The following NIPA2 variants were observed in gnomAD, a reference collection of about 807,000 sequenced individuals.
NIPA2 encodes the protein magnesium transporter NIPA2.
Under a neutral mutation model 29.7 loss-of-function variants are expected in NIPA2, and 11 were observed. The observed-to-expected ratio is 0.37, with a 90% confidence interval of 0.23 to 0.61. NIPA2 has a LOEUF of 0.61. NIPA2 is among the 20% of genes least tolerant of loss of function. The pLI is 0.66. For missense variants in NIPA2, 426 were observed against 437.9 expected, an observed-to-expected ratio of 0.97 and a Z score of 0.24; for synonymous variants, 183 against 161.9, an observed-to-expected ratio of 1.13 and a Z score of -0.99.
intron 2 of NIPA2, among the ~76,000 whole-genome samples, chr15:22,843,243 G>A (rs1002077084): frequency 6.6e-6 from 1 of 152,036 alleles, no homozygotes; most frequent in Non-Finnish European, 1.5e-5. Context: ...GGTGGCTCAC[G>A]CCTGTAATCC....
At position 22,851,539 on chromosome 15, in the gene NIPA2, A is replaced by AT. The variant is rs2057741761; in HGVS notation, c.-93-94dup. 4 of 376,022 alleles carry AT rather than the reference A, an allele frequency of 1.1e-5. No homozygotes were observed. The East Asian group carries it at 1.6e-4, about 15-fold the overall frequency. 23.3% of individuals were successfully genotyped at this position (376,022 alleles called of 1,614,324 possible). A position where few individuals can be genotyped will look rare whatever the true frequency, so the allele number is the denominator to read the frequency against. ...TATCAATATTAGTAATGAAGGAGCT[A>AT]TTTTTTCTTTAGGGGAAGAGAAATG... On this transcript the variant is annotated intron_variant, in intron 3 of 7. Transcript: ENST00000337451.
At chr15:22,865,582 C>T (rs1330388634) in intron 7 of NIPA2, among the ~76,000 whole-genome samples, 1 of 151,992 alleles carries the variant, frequency 6.6e-6, no homozygotes, top group Non-Finnish European at 1.5e-5. Flanking sequence ...TTTCCTCATC[C>T]GAAAATGCAG....
intron 5 of NIPA2, among the ~76,000 whole-genome samples, 157 bp from the exon 6 acceptor site, chr15:22,858,383 G>T (rs2058359968): frequency 1.3e-5 from 2 of 152,222 alleles, no homozygotes; most frequent in South Asian, 4.1e-4. Flanking sequence ...GACAGAGTGA[G>T]ACTCCGTCTC....
chr15:22,844,637 C>T (rs1898112504), intron 2 of NIPA2, among the ~76,000 whole-genome samples: 1 of 152,008 alleles, frequency 6.6e-6, no homozygotes, highest in African/African-American at 2.4e-5. Context: ...CGCCTGTGGT[C>T]CTGTTGATTT....
At position 22,867,914 on chromosome 15, in the gene NIPA2, G is replaced by T. The variant is rs2059235401; in HGVS notation, c.*1067G>T. 6.6e-6 allele frequency: 1 copy of T among 152,222 alleles called. No homozygotes were observed. Among genetic ancestry groups the T allele is most frequent in the Non-Finnish European group, 1.5e-5 (1 of 68,034 alleles). 9.4% of individuals were successfully genotyped at this position (152,222 alleles called of 1,614,324 possible). ...CAGAAAAGGTAGAATAATAAAAAAG[G>T]TCTAATGAACTCCATTCAGCTTTGA... On this transcript the variant is annotated 3_prime_UTR_variant, in exon 8 of 8. Transcript: ENST00000337451.
Position 22,866,552 on chromosome 15 carries a change from G to C in NIPA2, c.788G>C (p.Cys263Ser), listed in dbSNP as rs374375792. The C allele has an allele frequency of 6.2e-7, 1 of 1,613,912 alleles. No homozygotes were observed. Residue 263 changes from cysteine to serine, a missense_variant, in exon 8 of 8, where the codon TGT becomes TCT. Transcript: ENST00000337451. The part of the protein sequence containing the change: ...YVFFTTSVLT[C>S]SAILFKEWQD... ...TTCTTTACAACATCAGTTTTAACTT[G>C]TTCAGCTATTCTTTTTAAGGAGTGG... is the stretch of plus-strand genomic sequence containing the variant.
At chr15:22,865,746 G>T (rs2058994160) in intron 7 of NIPA2, among the ~76,000 whole-genome samples, 1 of 152,152 alleles carries the variant, frequency 6.6e-6, no homozygotes, top group African/African-American at 2.4e-5. Flanking sequence ...TTCTCCAGTT[G>T]ACTTGCTCGT....
intron 3 of NIPA2, among the ~76,000 whole-genome samples, chr15:22,848,878 C>T (rs936310894): frequency 1.3e-5 from 2 of 150,190 alleles, no homozygotes; most frequent in African/African-American, 4.9e-5. Flanking sequence ...CCATATTCAC[C>T]CAGAAAACAC....
At chr15:22,840,694 C>T (rs1896845320) in intron 2 of NIPA2, among the ~76,000 whole-genome samples, 1 of 152,102 alleles carries the variant, frequency 6.6e-6, no homozygotes, top group African/African-American at 2.4e-5. Context: ...TTTTTTACCC[C>T]TGGGAGGTTT....
chr15:22,860,122 C>G (rs1248289231), intron 6 of NIPA2, among the ~76,000 whole-genome samples: 1 of 150,918 alleles, frequency 6.6e-6, no homozygotes, highest in Non-Finnish European at 1.5e-5. Flanking sequence ...CCTCTGCCTT[C>G]TAGGTCCTGC....
In NIPA2 at chr15:22,851,691, G is replaced by T. The variant is rs1251690148; in HGVS notation, c.-41G>T. 5.1e-6 allele frequency: 8 copies of T among 1,578,648 alleles called. No individual in the cohort carries two copies. The highest frequency in any genetic ancestry group is 2.3e-5 in the South Asian group (2 of 85,178). ...AGTACCAGCGGTTTCTCTGTTCTGT[G>T]ATCAATGTGATTCACAGGAACTCCT... On this transcript the variant is annotated 5_prime_UTR_variant, in exon 4 of 8. Transcript: ENST00000337451.
At chr15:22,842,547 G>A (rs1189698808) in intron 2 of NIPA2, among the ~76,000 whole-genome samples, 1 of 151,766 alleles carries the variant, frequency 6.6e-6, no homozygotes, top group Admixed American at 6.5e-5. Flanking sequence ...CCAAAATATT[G>A]GCCGGGCACG....
rs753346171 is a variant in NIPA2, at chr15:22,851,836, CCTT to C, written c.107_109del (p.Leu36del). On this transcript the variant is annotated inframe_deletion, in exon 4 of 8. Transcript: ENST00000337451. ...GTTTCATTTTGAAAAAAAAGGGCCT[CCTT>C]CGACTTGCCAGGAAAGGCTCTATGA... is the stretch of plus-strand genomic sequence containing the variant. The C allele has an allele frequency of 1.2e-5, 20 of 1,613,734 alleles. No individual in the cohort carries two copies. Among genetic ancestry groups the C allele is most frequent in the Non-Finnish European group, 1.7e-5 (20 of 1,179,800 alleles).
At position 22,865,631 on chromosome 15, in the gene NIPA2, T is replaced by C. The variant is rs573075152; in HGVS notation, c.449-582T>C. Among the ~76,000 whole-genome samples, 55 of 152,260 alleles carry C rather than the reference T, an allele frequency of 3.6e-4. No homozygotes were observed. The South Asian group carries it at 0.011, about 30-fold the overall frequency. On this transcript the variant is annotated intron_variant, in intron 7 of 7. Coordinates refer to ENST00000337451, the MANE Select transcript of NIPA2 (RefSeq NM_030922.7). ...TGATAACAGGGTAGTTGAGTGCGAA[T>C]TGCTGAGAAAAATGCCTGGCCCACA...
chr15:22,857,674 TA>T, intron 5 of NIPA2, among the ~76,000 whole-genome samples: 1 of 151,560 alleles, frequency 6.6e-6, no homozygotes, highest in Non-Finnish European at 1.5e-5. Flanking sequence ...CCGTCTCTAC[TA>T]AAAATATAAA....
chr15:22,845,803 A>C, intron 3 of NIPA2, among the ~76,000 whole-genome samples: 1 of 152,166 alleles, frequency 6.6e-6, no homozygotes, highest in South Asian at 2.1e-4. Context: ...CACATGATGG[A>C]CCCAGCTGGT....
chr15:22,848,995 G>C (rs1204774928), intron 3 of NIPA2, among the ~76,000 whole-genome samples: 3 of 152,176 alleles, frequency 2.0e-5, no homozygotes, highest in African/African-American at 7.2e-5. Context: ...GAGACTGGCT[G>C]ATAAACACAG....
chr15:22,849,787 C>G (rs1008625843), intron 3 of NIPA2, among the ~76,000 whole-genome samples: 1 of 151,966 alleles, frequency 6.6e-6, no homozygotes, highest in Admixed American at 6.6e-5. Context: ...ATGACTCGAT[C>G]TCCTGACCTT....
rs1896494605 is a variant in NIPA2 at position 22,839,681 on chromosome 15, G to A, written c.-325G>A. The A allele has an allele frequency of 6.6e-6, 1 of 152,172 alleles. No individual in the cohort carries two copies. Among genetic ancestry groups the A allele is most frequent in the Non-Finnish European group, 1.5e-5 (1 of 68,046 alleles). The allele number at this position is 152,172 out of a possible 1,614,324, so 9.4% of individuals were successfully genotyped here. A position where few individuals can be genotyped will look rare whatever the true frequency, so the allele number is the denominator to read the frequency against. ...CTGGAGCTACTCGGCCAGGGTTTAA[G>A]ACTTTAAATGAGAATAAAGGGTGGT... On this transcript the variant is annotated 5_prime_UTR_variant, in exon 2 of 8. Transcript: ENST00000337451.
Sources: gnomAD v4.1 joint callset for allele counts (sites outside exome capture counted in the v4.1 genomes callset) on GRCh38, gnomAD v4.1.1 for gene constraint, MANE v1.5 for transcripts, NCBI Gene and HGNC (gene_info 2026-07-23, HGNC 2026-07-21) for gene names.